The following KIF24 variants were observed in gnomAD, a reference collection of about 807,000 sequenced individuals.
KIF24 encodes the protein kinesin-like protein KIF24.
In KIF24, 81 loss-of-function variants were observed where a neutral mutation model predicts 118.9. The observed-to-expected ratio is 0.68, with a 90% CI of 0.57 to 0.82. The LOEUF (loss-of-function observed/expected upper bound fraction) is 0.82. Among genes scored for constraint, KIF24 ranks in the 40% least tolerant of loss-of-function variants. KIF24 has a pLI of 0.00. For missense variants in KIF24, 1,560 were observed against 1,661.6 expected, an observed-to-expected ratio of 0.94 and a Z score of 1.06; for synonymous variants, 599 against 610.0, an observed-to-expected ratio of 0.98 and a Z score of 0.27.
chr9:34,298,833 T>C (rs555954565), intron 3 of KIF24, among the ~76,000 whole-genome samples: 2 of 152,156 alleles, frequency 1.3e-5, no homozygotes, highest in East Asian at 1.9e-4. Flanking sequence ...AAGAGATGGA[T>C]ACAGAAGAAA....
At chr9:34,292,012 T>C (rs1450393923) in intron 4 of KIF24, among the ~76,000 whole-genome samples, 1 of 152,162 alleles carries the variant, frequency 6.6e-6, no homozygotes, top group East Asian at 1.9e-4. Context: ...CTTAAAACAG[T>C]TGTGTTGAAT....
intron 6 of KIF24, among the ~76,000 whole-genome samples, 157 bp from the exon 7 acceptor site, chr9:34,272,087 T>C (rs72731297): frequency 0.1 from 15,369 of 152,276 alleles, 999 homozygotes; most frequent in Non-Finnish European, 0.14. Context: ...CACTAAATTA[T>C]ACCTAGTTAG....
In KIF24 at chr9:34,257,816, T is replaced by C; in HGVS notation, c.1791A>G (p.Thr597=). 1.2e-6 allele frequency: 2 copies of C among 1,614,058 alleles called. No individual in the cohort carries two copies. Among genetic ancestry groups the C allele is most frequent in the Non-Finnish European group, 1.7e-6 (2 of 1,179,894 alleles). ...CTCTCGTGGAACCAGGGGCTGCCAC[T>C]GTGAGTGACTGCTGAAATCCCAGCT... The part of the protein sequence containing the change: ...KVKLGFQQSL[T]VAAPGSTRGK... The change falls in exon 11 of 13, where the codon ACA becomes ACG. Residue 597 remains threonine, a synonymous_variant. Transcript: ENST00000402558.
At position 34,256,171 on chromosome 9, in the gene KIF24, T is replaced by C; in HGVS notation, c.3436A>G (p.Arg1146Gly). The C allele has an allele frequency of 6.2e-7, 1 of 1,604,180 alleles. No individual in the cohort carries two copies. Among genetic ancestry groups the C allele is most frequent in the Non-Finnish European group, 8.5e-7 (1 of 1,173,524 alleles). Residue 1146 changes from arginine (R) to glycine (G), a missense_variant, in exon 11 of 13, where the codon AGG becomes GGG. Around this residue, in one of 3 missense-constraint regions of KIF24, gnomAD observed 591 missense variants for 655.6 expected, o/e 0.90. Coordinates refer to ENST00000402558, the MANE Select transcript of KIF24 (RefSeq NM_194313.4). Reference sequence around the variant, plus strand: ...CAGGCCTCTCCTAGGTCTGCCTCCCTGCTGGGCAGCTTGTCAGCTGGGTGC... The same window carrying C: ...CAGGCCTCTCCTAGGTCTGCCTCCCCGCTGGGCAGCTTGTCAGCTGGGTGC... The part of the protein sequence containing the change: ...RQHPADKLPS[R>G]EADLGEACQS...
At chr9:34,282,609 A>T (rs1271644380) in intron 6 of KIF24, 1 of 152,130 alleles carries the variant, frequency 6.6e-6, no homozygotes, top group African/African-American at 2.4e-5. Context: ...CTGTTCCAAA[A>T]ATCCATTTAA....
intron 3 of KIF24, among the ~76,000 whole-genome samples, chr9:34,299,636 T>C (rs1450072775): frequency 6.6e-6 from 1 of 152,134 alleles, no homozygotes; most frequent in African/African-American, 2.4e-5. Flanking sequence ...TAACCCCAAT[T>C]GCCTTCATGG....
intron 1 of KIF24, among the ~76,000 whole-genome samples, chr9:34,326,789 G>A (rs904427160): frequency 6.6e-6 from 1 of 152,196 alleles, no homozygotes; most frequent in African/African-American, 2.4e-5. Context: ...TTACTTTTAA[G>A]TGAAGTAGGA....
intron 1 of KIF24, among the ~76,000 whole-genome samples, chr9:34,314,779 G>C (rs775486676): frequency 6.6e-6 from 1 of 152,184 alleles, no homozygotes; most frequent in Non-Finnish European, 1.5e-5. Flanking sequence ...TCATGGAATA[G>C]AGACTGGTGA....
chr9:34,291,324 A>G (rs750927799), intron 4 of KIF24, among the ~76,000 whole-genome samples: 1 of 152,234 alleles, frequency 6.6e-6, no homozygotes, highest in African/African-American at 2.4e-5. Context: ...AGATGGCAGC[A>G]GGCACACCAA....
At chr9:34,292,048 G>A (rs1343314049) in intron 4 of KIF24, among the ~76,000 whole-genome samples, 1 of 152,140 alleles carries the variant, frequency 6.6e-6, no homozygotes, top group East Asian at 1.9e-4. Context: ...TCAATTGATA[G>A]CTTATCTTCA....
At chr9:34,281,762 T>C (rs1835858268) in intron 6 of KIF24, among the ~76,000 whole-genome samples, 1 of 152,188 alleles carries the variant, frequency 6.6e-6, no homozygotes, top group South Asian at 2.1e-4. Flanking sequence ...CAGATACTTC[T>C]CCCTGGAGGA....
At chr9:34,254,767 C>T (rs1291869895) in intron 12 of KIF24, among the ~76,000 whole-genome samples, 2 of 152,094 alleles carry the variant, frequency 1.3e-5, no homozygotes, top group Admixed American at 1.3e-4. Flanking sequence ...GTGTGGTAGG[C>T]AGCAGACTGG....
At chr9:34,315,190 GA>G (rs1268206584) in intron 1 of KIF24, among the ~76,000 whole-genome samples, 19 of 151,894 alleles carry the variant, frequency 1.3e-4, no homozygotes, top group African/African-American at 3.4e-4. Context: ...GAAACTATGT[GA>G]CTGTATTATT....
intron 5 of KIF24, among the ~76,000 whole-genome samples, chr9:34,289,331 A>G (rs1836167722): frequency 6.6e-6 from 1 of 152,174 alleles, no homozygotes; most frequent in Non-Finnish European, 1.5e-5. Context: ...TGCTTGGAGC[A>G]TGCAAAACTT....
At chr9:34,299,823 CGTGTGTGTGTGTGTGT>C (rs34056151) in intron 3 of KIF24, among the ~76,000 whole-genome samples, 3 of 133,176 alleles carry the variant, frequency 2.3e-5, no homozygotes, top group Non-Finnish European at 4.9e-5. Flanking sequence ...TGTGTGTGTG[CGTGTGTGTGTGTGTGT>C]GTGTGTGTAT....
intron 3 of KIF24, among the ~76,000 whole-genome samples, chr9:34,300,910 T>C (rs1404907667): frequency 6.6e-6 from 1 of 151,792 alleles, no homozygotes; most frequent in African/African-American, 2.4e-5. Context: ...ATACATTTTT[T>C]TGTTTCCTTT....
chr9:34,255,236 G>T, intron 11 of KIF24, 71 bp from the exon 12 acceptor site: 3 of 945,314 alleles, frequency 3.2e-6, no homozygotes, highest in Non-Finnish European at 4.9e-6. Flanking sequence ...TTCTGGAGGT[G>T]ATCTCATTTG....
Position 34,257,946 on chromosome 9 carries a change from G to C in KIF24, c.1661C>G (p.Thr554Ser), listed in dbSNP as rs772093216. 168 of 1,612,784 alleles carry C rather than the reference G, an allele frequency of 1.0e-4. No individual in the cohort carries two copies. The highest frequency in any genetic ancestry group is 1.4e-4 in the Non-Finnish European group (167 of 1,179,440). ...KELKKGIKCC[T>S]SVTSRNRTSG... ...TGTCCGATTTCGACTGGTAACTGAA[G>C]TGCAACACTTAATGCCTTTCTTTAG... The change falls in exon 11 of 13, where the codon ACT (threonine) becomes AGT (serine). Residue 554 changes from threonine to serine, a missense_variant. Thr to Ser is a moderately conservative substitution (Grantham distance 58). Transcript: ENST00000402558.
intron 9 of KIF24, among the ~76,000 whole-genome samples, chr9:34,261,426 C>T (rs1835051852): frequency 6.6e-6 from 1 of 152,172 alleles, no homozygotes; most frequent in Non-Finnish European, 1.5e-5. Flanking sequence ...GGCACACTTT[C>T]ATGACAGAAA....
Sources: allele counts gnomAD v4.1 joint callset (sites outside exome capture counted in the v4.1 genomes callset), GRCh38; gene constraint gnomAD v4.1.1; regional missense constraint gnomAD v4.1.1; transcripts MANE v1.5; gene names NCBI Gene and HGNC (gene_info 2026-07-23, HGNC 2026-07-21).